Variants in GRIK2 observed in about 807,000 individuals in gnomAD.
The protein encoded by GRIK2 is glutamate receptor ionotropic, kainate 2.
Under a neutral mutation model 100.3 loss-of-function variants are expected in GRIK2, and 32 were observed. The observed-to-expected ratio is 0.32, with a 90% confidence interval of 0.24 to 0.43. GRIK2 has a LOEUF of 0.43. Among genes scored for constraint, GRIK2 ranks in the 20% least tolerant of loss-of-function variants. GRIK2 has a pLI of 1.00. For missense variants in GRIK2, 843 were observed against 1,114.9 expected, an observed-to-expected ratio of 0.76 and a Z score of 3.47; for synonymous variants, 417 against 389.4, an observed-to-expected ratio of 1.07 and a Z score of -0.83.
chr6:101,800,892 C>T (rs1363028356), intron 8 of GRIK2, among the ~76,000 whole-genome samples: 2 of 151,908 alleles, frequency 1.3e-5, no homozygotes, highest in Non-Finnish European at 2.9e-5. Flanking sequence ...GTATGACATT[C>T]CCCATTGTAT....
chr6:101,468,524 T>A, intron 2 of GRIK2, among the ~76,000 whole-genome samples: 1 of 146,560 alleles, frequency 6.8e-6, no homozygotes, highest in Non-Finnish European at 1.5e-5. Flanking sequence ...TTAGTTAGGT[T>A]AAAAAAAAAA....
At chr6:101,970,733 A>G (rs1441893073) in intron 14 of GRIK2, among the ~76,000 whole-genome samples, 1 of 144,346 alleles carries the variant, frequency 6.9e-6, no homozygotes, top group African/African-American at 2.9e-5. Flanking sequence ...CTGCAAATAC[A>G]TCCTGCAATT....
chr6:101,688,444 A>T (rs1471432369), intron 7 of GRIK2, among the ~76,000 whole-genome samples: 1 of 151,942 alleles, frequency 6.6e-6, no homozygotes, highest in Non-Finnish European at 1.5e-5. Flanking sequence ...TATGTAAACT[A>T]TTGAAAGACA....
intron 12 of GRIK2, among the ~76,000 whole-genome samples, chr6:101,910,944 AT>A (rs1371086930): frequency 6.6e-6 from 1 of 150,892 alleles, no homozygotes; most frequent in Non-Finnish European, 1.5e-5. Context: ...ATCTAAGATA[AT>A]TTTTGTTTTA....
rs949664996 is a variant in GRIK2 at position 101,393,769 on chromosome 6, A to G, written c.-362A>G. Among the ~76,000 whole-genome samples the G allele has an allele frequency of 3.3e-5, 5 of 150,762 alleles. No homozygotes were observed. The highest frequency in any genetic ancestry group is 1.2e-4 in the African/African-American group (5 of 40,964). ...TGGTAGCTGGGGACTTTTCCGCCCG[A>G]CCTCCTCCGGCTGCTCCTCCCCGAG... On this transcript the variant is annotated 5_prime_UTR_variant, in exon 1 of 17. Transcript: ENST00000369134.
chr6:101,398,287 T>G (rs1775097186), intron 1 of GRIK2, among the ~76,000 whole-genome samples: 1 of 152,214 alleles, frequency 6.6e-6, no homozygotes. Flanking sequence ...AATTATTTTC[T>G]TTGAGCTTAA....
At chr6:102,046,136 A>C (rs1770875098) in intron 15 of GRIK2, among the ~76,000 whole-genome samples, 1 of 152,162 alleles carries the variant, frequency 6.6e-6, no homozygotes. Context: ...TCAAGAGGAC[A>C]TAATAATTGT....
At chr6:101,893,590 C>A (rs1787245371) in intron 12 of GRIK2, among the ~76,000 whole-genome samples, 1 of 151,722 alleles carries the variant, frequency 6.6e-6, no homozygotes, top group South Asian at 2.1e-4. Context: ...ATCTTCTTAG[C>A]TACCAAACCA....
intron 14 of GRIK2, among the ~76,000 whole-genome samples, chr6:101,980,735 G>A (rs1470734409): frequency 1.3e-5 from 2 of 151,616 alleles, no homozygotes; most frequent in South Asian, 4.1e-4. Context: ...CTTAATCATG[G>A]TTTTATGAAA....
chr6:101,496,271 AT>A (rs984703469), intron 2 of GRIK2, among the ~76,000 whole-genome samples: 1 of 152,000 alleles, frequency 6.6e-6, no homozygotes, highest in African/African-American at 2.4e-5. Context: ...AAGAAAAAAA[AT>A]AAAATAACAC....
chr6:101,586,655 G>T (rs1157550441), intron 2 of GRIK2, among the ~76,000 whole-genome samples: 1 of 151,788 alleles, frequency 6.6e-6, no homozygotes, highest in Non-Finnish European at 1.5e-5. Context: ...GATTGCCTGT[G>T]CTCAGAAGTT....
chr6:101,472,132 C>T (rs563068412), intron 2 of GRIK2, among the ~76,000 whole-genome samples: 4 of 151,726 alleles, frequency 2.6e-5, no homozygotes, highest in African/African-American at 7.3e-5. Flanking sequence ...ATCTAAAAAA[C>T]GTGTCATTAC....
chr6:101,838,480 C>A (rs914487301), intron 10 of GRIK2, among the ~76,000 whole-genome samples: 5 of 151,998 alleles, frequency 3.3e-5, no homozygotes, highest in Admixed American at 1.3e-4. Context: ...AGTTGACCAC[C>A]CTGCTGTGCC....
At chr6:101,542,112 G>A (rs929899304) in intron 2 of GRIK2, among the ~76,000 whole-genome samples, 5 of 151,860 alleles carry the variant, frequency 3.3e-5, no homozygotes, top group Admixed American at 6.6e-5. Context: ...ACTGTTTCCC[G>A]TGTTTCTAGG....
At chr6:102,009,132 AG>A (rs1795392312) in intron 14 of GRIK2, among the ~76,000 whole-genome samples, 2 of 152,046 alleles carry the variant, frequency 1.3e-5, no homozygotes, top group African/African-American at 4.8e-5. Flanking sequence ...TGGTTTATGT[AG>A]ATATGTACTT....
intron 7 of GRIK2, among the ~76,000 whole-genome samples, chr6:101,730,384 A>T (rs1005117341): frequency 5.9e-5 from 9 of 151,960 alleles, no homozygotes; most frequent in African/African-American, 1.7e-4. Context: ...CAGCCAGGGG[A>T]TAGCCTCAAG....
chr6:101,973,525 C>T (rs2128486610), intron 14 of GRIK2, among the ~76,000 whole-genome samples: 1 of 151,870 alleles, frequency 6.6e-6, no homozygotes, highest in South Asian at 2.1e-4. Flanking sequence ...TTTTTTGCTG[C>T]CTTTTCCTCA....
At chr6:101,966,981 T>TA (rs1792720000) in intron 14 of GRIK2, among the ~76,000 whole-genome samples, 2 of 152,054 alleles carry the variant, frequency 1.3e-5, no homozygotes, top group African/African-American at 4.8e-5. Context: ...AATGTAATAT[T>TA]AAGCTAAGTT....
At position 101,699,382 on chromosome 6, in the gene GRIK2, T is replaced by C. The variant is rs550486463; in HGVS notation, c.951+13029T>C. Among the ~76,000 whole-genome samples the C allele has an allele frequency of 6.6e-5, 10 of 152,208 alleles. No homozygotes were observed. The South Asian group carries it at 2.1e-3, about 32-fold the overall frequency. On this transcript the variant is annotated intron_variant, in intron 7 of 16. Transcript: ENST00000369134. The stretch of plus-strand genomic sequence containing the variant: ...TCCAGCTGTTTAGTTATCTGGTTCT[T>C]TATGCAACAAAAGGCACCTCTGAGT...
Sources: gnomAD v4.1 joint callset for allele counts (sites outside exome capture counted in the v4.1 genomes callset) on GRCh38, gnomAD v4.1.1 for gene constraint, MANE v1.5 for transcripts, NCBI Gene and HGNC (gene_info 2026-07-23, HGNC 2026-07-21) for gene names.